C1QTNF7: variants seen among roughly 807,000 people sequenced by gnomAD.
C1QTNF7 encodes the protein complement C1q tumor necrosis factor-related protein 7.
In C1QTNF7, 15 loss-of-function variants were observed where a neutral mutation model predicts 19.6. The ratio of observed to expected loss-of-function variants is 0.76; its 90% CI spans 0.51 to 1.18. C1QTNF7 has a LOEUF of 1.18. Ranked by LOEUF, C1QTNF7 falls within the 50% of genes most tolerant of loss-of-function variation. C1QTNF7 has a pLI of 0.00. For missense variants in C1QTNF7, 324 were observed against 359.7 expected (o/e 0.90, Z 0.80); for synonymous variants, 142 against 137.5 (o/e 1.03, Z -0.23).
At chr4:15,437,545 T>C (rs1712585237) in intron 2 of C1QTNF7, among the ~76,000 whole-genome samples, 1 of 152,180 alleles carries the variant, frequency 6.6e-6, no homozygotes, top group Non-Finnish European at 1.5e-5. Context: ...AGTTCTAATA[T>C]TAAAGACATA....
At chr4:15,410,175 C>G (rs1177901431) in intron 1 of C1QTNF7, among the ~76,000 whole-genome samples, 1 of 152,162 alleles carries the variant, frequency 6.6e-6, no homozygotes, top group Non-Finnish European at 1.5e-5. Flanking sequence ...TCATAATTTT[C>G]TTAGACATCT....
At chr4:15,400,145 G>T (rs1345795962) in intron 1 of C1QTNF7, among the ~76,000 whole-genome samples, 3 of 152,190 alleles carry the variant, frequency 2.0e-5, no homozygotes, top group Non-Finnish European at 4.4e-5. Flanking sequence ...AGGCCCCACA[G>T]GAATTCAGAG....
chr4:15,350,195 A>G (rs1208086475), intron 1 of C1QTNF7, among the ~76,000 whole-genome samples: 7 of 29,550 alleles, frequency 2.4e-4, no homozygotes, highest in East Asian at 1.1e-3. Flanking sequence ...GGAAGGAAGG[A>G]AGGGAAGAAG....
intron 1 of C1QTNF7, among the ~76,000 whole-genome samples, chr4:15,354,243 G>A (rs1160236891): frequency 6.6e-6 from 1 of 152,198 alleles, no homozygotes; most frequent in Non-Finnish European, 1.5e-5. Flanking sequence ...TGAATGCCAA[G>A]TAGCCCTGTT....
chr4:15,371,945 G>A (rs1717750803), intron 1 of C1QTNF7, among the ~76,000 whole-genome samples: 1 of 152,008 alleles, frequency 6.6e-6, no homozygotes, highest in Non-Finnish European at 1.5e-5. Context: ...GAAAGGAAAG[G>A]GTCACAGCTC....
At chr4:15,442,129 T>C (rs1712783471) in intron 2 of C1QTNF7, 39 bp from the exon 3 acceptor site, 7 of 1,545,216 alleles carry the variant, frequency 4.5e-6, no homozygotes, top group African/African-American at 1.4e-5. Flanking sequence ...ATTATATCTT[T>C]TGAGGAACTA....
chr4:15,367,797 T>C (rs1238946775), intron 1 of C1QTNF7, among the ~76,000 whole-genome samples: 1 of 144,300 alleles, frequency 6.9e-6, no homozygotes, highest in Non-Finnish European at 1.5e-5. Flanking sequence ...CTAGCAAATG[T>C]TAGCCAGGAA....
At chr4:15,392,766 T>C (rs1335100198) in intron 1 of C1QTNF7, among the ~76,000 whole-genome samples, 1 of 152,116 alleles carries the variant, frequency 6.6e-6, no homozygotes, top group African/African-American at 2.4e-5. Flanking sequence ...CCAATAATTA[T>C]GATATAGAAA....
At chr4:15,379,390 T>C (rs541715166) in intron 1 of C1QTNF7, among the ~76,000 whole-genome samples, 1 of 152,352 alleles carries the variant, frequency 6.6e-6, no homozygotes, top group East Asian at 1.9e-4. Flanking sequence ...ACACTTACTT[T>C]TATGACAAAT....
intron 1 of C1QTNF7, among the ~76,000 whole-genome samples, chr4:15,421,908 T>C (rs905581838): frequency 2.0e-5 from 3 of 152,168 alleles, no homozygotes; most frequent in Non-Finnish European, 2.9e-5. Context: ...AAAAACATTA[T>C]GTTAAGTGAA....
chr4:15,378,526 C>A (rs1195458411), intron 1 of C1QTNF7, among the ~76,000 whole-genome samples: 3 of 152,178 alleles, frequency 2.0e-5, no homozygotes, highest in African/African-American at 4.8e-5. Flanking sequence ...TCATCACAGA[C>A]AAACTAGTAT....
At chr4:15,390,404 AC>A in intron 1 of C1QTNF7, among the ~76,000 whole-genome samples, 1 of 152,340 alleles carries the variant, frequency 6.6e-6, no homozygotes, top group Middle Eastern at 3.4e-3. Flanking sequence ...TTGATGAATA[AC>A]TAGGGACTGA....
rs143008077 is a variant in C1QTNF7, at chr4:15,366,032, T to A, written c.13+25825T>A. Reference sequence around the variant, plus strand: ...GCCAAGCAAGCAGAATAAAAAGATGTCCACTACAGTGTACACAATGTAACA... The same window carrying A: ...GCCAAGCAAGCAGAATAAAAAGATGACCACTACAGTGTACACAATGTAACA... On this transcript the variant is annotated intron_variant, in intron 1 of 2. Coordinates refer to the C1QTNF7 transcript ENST00000295297. Among the ~76,000 whole-genome samples the A allele has an allele frequency of 2.6e-5, 4 of 152,246 alleles. No individual in the cohort carries two copies. In the East Asian group the frequency reaches 7.7e-4, roughly 29 times the overall value.
intron 1 of C1QTNF7, among the ~76,000 whole-genome samples, chr4:15,408,384 C>T (rs1719277105): frequency 6.7e-6 from 1 of 149,292 alleles, no homozygotes; most frequent in African/African-American, 2.5e-5. Flanking sequence ...GTTCAAATAA[C>T]TCAATAAGGT....
intron 1 of C1QTNF7, among the ~76,000 whole-genome samples, chr4:15,393,849 A>C (rs1464892838): frequency 1.3e-5 from 2 of 152,204 alleles, no homozygotes; most frequent in African/African-American, 4.8e-5. Context: ...GATACAAGAG[A>C]CACAGCAGTG....
chr4:15,426,937 G>A (rs1045873847), upstream of C1QTNF7, among the ~76,000 whole-genome samples: 14 of 152,314 alleles, frequency 9.2e-5, no homozygotes, highest in African/African-American at 3.4e-4. Flanking sequence ...TGAGAAAACA[G>A]ACACAGAGAC....
intron 1 of C1QTNF7, among the ~76,000 whole-genome samples, chr4:15,378,186 G>A (rs987615459): frequency 1.9e-4 from 29 of 152,172 alleles, no homozygotes; most frequent in African/African-American, 7.0e-4. Flanking sequence ...GGGGCATTTA[G>A]CTCAAAGCTG....
intron 1 of C1QTNF7, among the ~76,000 whole-genome samples, chr4:15,386,553 G>GA (rs1718343483): frequency 6.6e-6 from 1 of 152,118 alleles, no homozygotes; most frequent in Non-Finnish European, 1.5e-5. Flanking sequence ...AAGTCATGGA[G>GA]AAAACAAAGA....
chr4:15,388,917 G>T (rs1338033188), intron 1 of C1QTNF7, among the ~76,000 whole-genome samples: 1 of 152,164 alleles, frequency 6.6e-6, no homozygotes, highest in Non-Finnish European at 1.5e-5. Flanking sequence ...GAGGATGGAT[G>T]GTCTGGAAAG....
Sources: allele counts gnomAD v4.1 joint callset (sites outside exome capture counted in the v4.1 genomes callset), GRCh38; gene constraint gnomAD v4.1.1; transcripts MANE v1.5; gene names NCBI Gene and HGNC (gene_info 2026-07-23, HGNC 2026-07-21).